UHRF2: variants seen among roughly 807,000 people sequenced by gnomAD.
The protein encoded by UHRF2 is E3 ubiquitin-protein ligase UHRF2.
Under a neutral mutation model 96.8 loss-of-function variants are expected in UHRF2, and 23 were observed. The ratio of observed to expected loss-of-function variants is 0.24; its 90% CI spans 0.17 to 0.34. The LOEUF (loss-of-function observed/expected upper bound fraction) is 0.34, where lower values mean the gene tolerates loss of function less well. Ranked by LOEUF, UHRF2 falls within the 10% of genes least tolerant of loss-of-function variation. The pLI, the probability that UHRF2 is intolerant of heterozygous loss-of-function variation, is 1.00. For synonymous variants in UHRF2, 385 were observed against 332.6 expected, an observed-to-expected ratio of 1.16 and a Z score of -1.72; for missense variants, 685 against 981.5, an observed-to-expected ratio of 0.70 and a Z score of 4.04.
rs1171978950 is a variant in UHRF2 at position 6,487,182 on chromosome 9, C to CTTTTTTTTTTTTTTTTTTTTT, written c.1497+262_1497+282dup. Among the ~76,000 whole-genome samples the CTTTTTTTTTTTTTTTTTTTTT allele has an allele frequency of 1.1e-4, 8 of 69,586 alleles. 1 individual carries two copies. Among genetic ancestry groups the CTTTTTTTTTTTTTTTTTTTTT allele is most frequent in the African/African-American group, 5.1e-4 (8 of 15,546 alleles). 45.7% of individuals were successfully genotyped at this position (69,586 alleles called of 152,430 possible). A position where few individuals can be genotyped will look rare whatever the true frequency, so the allele number is the denominator to read the frequency against. On this transcript the variant is annotated intron_variant, in intron 9 of 15. Coordinates refer to ENST00000276893, the MANE Select transcript of UHRF2 (RefSeq NM_152896.3). ...TCTATAGAGCTTTTATTTTTTTTTC[C>CTTTTTTTTTTTTTTTTTTTTT]TTTTTTTTTTTTTTTTTTTTTTTTT...
At chr9:6,449,445 C>G (rs1402221919) in intron 3 of UHRF2, 1 of 152,270 alleles carries the variant, frequency 6.6e-6, no homozygotes, top group African/African-American at 2.4e-5. Context: ...AGGGCTTTTA[C>G]TGCCTAGTTC....
chr9:6,437,551 G>A (rs1040543911), intron 3 of UHRF2, among the ~76,000 whole-genome samples: 2 of 152,068 alleles, frequency 1.3e-5, no homozygotes, highest in African/African-American at 4.8e-5. Flanking sequence ...TTATTGAGTA[G>A]TAAGCTCCAA....
intron 3 of UHRF2, among the ~76,000 whole-genome samples, chr9:6,447,701 C>T (rs1821601871): frequency 6.6e-6 from 1 of 152,074 alleles, no homozygotes; most frequent in South Asian, 2.1e-4. Flanking sequence ...TCCATAAACC[C>T]CCGAGGACAA....
chr9:6,501,255 G>A (rs1455574033), intron 14 of UHRF2, among the ~76,000 whole-genome samples: 1 of 152,110 alleles, frequency 6.6e-6, no homozygotes, highest in Non-Finnish European at 1.5e-5. Context: ...TTGCAAACAA[G>A]CCCTTCTTAT....
intron 3 of UHRF2, among the ~76,000 whole-genome samples, chr9:6,451,203 A>G (rs538187536): frequency 1.1e-3 from 171 of 152,284 alleles, no homozygotes; most frequent in Non-Finnish European, 2.0e-3. Flanking sequence ...TTTAGGAAAT[A>G]TATCATTTGG....
At chr9:6,485,745 C>G (rs1168534253) in intron 8 of UHRF2, among the ~76,000 whole-genome samples, 1 of 133,650 alleles carries the variant, frequency 7.5e-6, no homozygotes, top group East Asian at 2.4e-4. Context: ...TGGAGGATTG[C>G]TTGAGCCCAG....
intron 2 of UHRF2, chr9:6,422,619 T>C: frequency 3.1e-6 from 2 of 636,678 alleles, no homozygotes; most frequent in South Asian, 1.8e-5. Flanking sequence ...TTAGATCTTT[T>C]CTTTTTTTGA....
intron 1 of UHRF2, among the ~76,000 whole-genome samples, chr9:6,417,728 G>A (rs1222023806): frequency 6.6e-6 from 1 of 152,202 alleles, no homozygotes; most frequent in Non-Finnish European, 1.5e-5. Context: ...ATATGTTACT[G>A]TGGATGTAAC....
chr9:6,456,075 A>G (rs898760493), intron 3 of UHRF2, among the ~76,000 whole-genome samples: 8 of 152,216 alleles, frequency 5.3e-5, no homozygotes, highest in African/African-American at 1.9e-4. Context: ...CTATTAGGAA[A>G]TATACGTACA....
At position 6,482,832 on chromosome 9, in the gene UHRF2, G is replaced by A. The variant is rs1016315337; in HGVS notation, c.1392+733G>A. ...AGGATGGTCTCGATCTCCTAACCTC[G>A]TGATCCACCTGCCTTGGCCTCCCAT... On this transcript the variant is annotated intron_variant, in intron 8 of 15. Coordinates refer to ENST00000276893, the MANE Select transcript of UHRF2 (RefSeq NM_152896.3). 5.3e-5 allele frequency among the ~76,000 whole-genome samples: 8 copies of A among 152,066 alleles called. No homozygotes were observed. In the South Asian group the frequency reaches 8.3e-4, roughly 16 times the overall value.
At chr9:6,424,758 CTG>C (rs1378376311) in intron 2 of UHRF2, among the ~76,000 whole-genome samples, 1 of 145,368 alleles carries the variant, frequency 6.9e-6, no homozygotes, top group Non-Finnish European at 1.5e-5. Flanking sequence ...TTGACATTGA[CTG>C]TGACAATTTC....
chr9:6,413,355 G>C lies in UHRF2; in HGVS notation c.-136G>C, dbSNP rs1172683639. 5.6e-6 allele frequency: 5 copies of C among 885,638 alleles called. No homozygotes were observed. The South Asian group carries it at 1.7e-4, about 30-fold the overall frequency. 54.9% of individuals were successfully genotyped at this position (885,638 alleles called of 1,614,324 possible). On this transcript the variant is annotated 5_prime_UTR_variant, in exon 1 of 16. Coordinates refer to ENST00000276893, the MANE Select transcript of UHRF2 (RefSeq NM_152896.3). ...TCGCCGCCTGTCGGGCCCGGCGTCC[G>C]GTCGGTCCGGTGGGCGCGCTCGCCC... is the stretch of plus-strand genomic sequence containing the variant.
At chr9:6,437,306 C>G (rs944861688) in intron 3 of UHRF2, among the ~76,000 whole-genome samples, 1 of 152,188 alleles carries the variant, frequency 6.6e-6, no homozygotes, top group East Asian at 1.9e-4. Context: ...GATCTCGGCT[C>G]GCTGCAACCT....
At chr9:6,432,056 A>T (rs765031180) in intron 2 of UHRF2, among the ~76,000 whole-genome samples, 3 of 152,122 alleles carry the variant, frequency 2.0e-5, no homozygotes, top group Non-Finnish European at 4.4e-5. Context: ...AATGTCTTTA[A>T]ATTTGTCAGT....
intron 8 of UHRF2, among the ~76,000 whole-genome samples, chr9:6,486,491 C>T (rs886199046): frequency 2.6e-5 from 4 of 152,188 alleles, no homozygotes; most frequent in Non-Finnish European, 5.9e-5. Flanking sequence ...CCTCTTTTAG[C>T]TGAGTTGAGC....
chr9:6,454,636 G>C (rs1001632423), intron 3 of UHRF2, among the ~76,000 whole-genome samples: 1 of 152,008 alleles, frequency 6.6e-6, no homozygotes, highest in African/African-American at 2.4e-5. Flanking sequence ...TACACTATTA[G>C]AGTCCTGAGC....
At chr9:6,502,543 C>T (rs546997881) in intron 14 of UHRF2, among the ~76,000 whole-genome samples, 2 of 152,364 alleles carry the variant, frequency 1.3e-5, no homozygotes, top group East Asian at 3.9e-4. Context: ...CCGCTTCAGC[C>T]TCCTAAGTAG....
chr9:6,439,659 T>C (rs1821046683), intron 3 of UHRF2, among the ~76,000 whole-genome samples: 1 of 152,212 alleles, frequency 6.6e-6, no homozygotes, highest in Non-Finnish European at 1.5e-5. Context: ...GAACTCAACC[T>C]AATCAGTACT....
At chr9:6,503,803 ATTT>A (rs575807177) in intron 14 of UHRF2, among the ~76,000 whole-genome samples, 2 of 152,002 alleles carry the variant, frequency 1.3e-5, no homozygotes, top group Non-Finnish European at 2.9e-5. Context: ...GTTGCCCATG[ATTT>A]TTTTATTTTT....
Sources: gnomAD v4.1 joint callset for allele counts (sites outside exome capture counted in the v4.1 genomes callset) on GRCh38, gnomAD v4.1.1 for gene constraint, MANE v1.5 for transcripts, NCBI Gene and HGNC (gene_info 2026-07-23, HGNC 2026-07-21) for gene names.